The following RYR3 variants were observed in gnomAD, a reference collection of about 807,000 sequenced individuals.
RYR3 encodes the protein ryanodine receptor 3.
A neutral mutation model predicts 584.3 loss-of-function variants in RYR3; 207 were observed. The ratio of observed to expected loss-of-function variants is 0.35; its 90% CI spans 0.32 to 0.40. RYR3 has a LOEUF of 0.40. Ranked by LOEUF, RYR3 falls within the 10% of genes least tolerant of loss-of-function variation. The pLI, the probability that RYR3 is intolerant of heterozygous loss-of-function variation, is 1.00. For missense variants in RYR3, 5,616 were observed against 6,089.2 expected (o/e 0.92, Z 2.59); for synonymous variants, 2,416 against 2,248.5 (o/e 1.07, Z -2.11).
rs111667432 is a variant in RYR3, at chr15:33,671,062, T to G, written c.5860+506T>G. On this transcript the variant is annotated intron_variant, in intron 38 of 103. Transcript: ENST00000634891. ...TTTGAAAATGTAGCATCCTAGAAAC[T>G]TTGACTTCCTATTTTTCAACAATGC... Among the ~76,000 whole-genome samples the G allele has an allele frequency of 3.3e-3, 509 of 152,256 alleles. 7 individuals are homozygous for G. The highest frequency in any genetic ancestry group is 0.011 in the African/African-American group (463 of 41,536).
intron 16 of RYR3, among the ~76,000 whole-genome samples, chr15:33,592,698 G>A (rs1467106661): frequency 1.3e-5 from 2 of 152,200 alleles, no homozygotes; most frequent in African/African-American, 4.8e-5. Flanking sequence ...GATACCCCCT[G>A]TCAGTCAGAA....
At chr15:33,835,756 T>C (rs1191916327) in intron 87 of RYR3, among the ~76,000 whole-genome samples, 3 of 152,216 alleles carry the variant, frequency 2.0e-5, no homozygotes, top group African/African-American at 7.2e-5. Context: ...ACCTTTCATT[T>C]TTCCCCTTTT....
chr15:33,669,419 G>T lies in RYR3; in HGVS notation c.5685G>T (p.Glu1895Asp), dbSNP rs749924697. The change falls in exon 37 of 104, where the codon GAG becomes GAT. Residue 1895 changes from glutamate to aspartate, a missense_variant. Physicochemically the swap from Glu to Asp is conservative, Grantham distance 45 (BLOSUM62 2). Coordinates refer to ENST00000634891, the MANE Select transcript of RYR3 (RefSeq NM_001036.6). ...CCTGCCCAGAGGAGATTCGGGAGGA[G>T]CTGTATGATTTCCATGAGGACCTTC... The part of the protein sequence containing the change: ...NCPCPEEIRE[E>D]LYDFHEDLLL... 32 of 1,614,004 alleles carry T rather than the reference G, an allele frequency of 2.0e-5. No homozygotes were observed. Among genetic ancestry groups the T allele is most frequent in the Non-Finnish European group, 2.7e-5 (32 of 1,179,878 alleles).
chr15:33,565,748 C>A (rs9744361), intron 11 of RYR3, among the ~76,000 whole-genome samples: 32,444 of 152,022 alleles, frequency 0.21, 5,394 homozygotes, highest in African/African-American at 0.47. Context: ...CAGGATCAAA[C>A]TACCTCACTT....
intron 1 of RYR3, among the ~76,000 whole-genome samples, chr15:33,471,849 A>G (rs1016139178): frequency 1.3e-5 from 2 of 152,106 alleles, no homozygotes; most frequent in Admixed American, 1.3e-4. Flanking sequence ...CACAAACAGC[A>G]CATCTCAGTC....
At chr15:33,364,575 T>C (rs974002490) in intron 1 of RYR3, among the ~76,000 whole-genome samples, 2 of 152,168 alleles carry the variant, frequency 1.3e-5, no homozygotes, top group Admixed American at 1.3e-4. Context: ...TATTTGGGCC[T>C]GTAGAGGCAG....
chr15:33,853,716 G>T, intron 96 of RYR3, 34 bp downstream of exon 96: 1 of 1,601,626 alleles, frequency 6.2e-7, no homozygotes, highest in South Asian at 1.1e-5. Flanking sequence ...ATCCAAAGCA[G>T]CTAAAATAGA....
At chr15:33,406,328 C>G (rs1422779948) in intron 1 of RYR3, among the ~76,000 whole-genome samples, 4 of 152,194 alleles carry the variant, frequency 2.6e-5, no homozygotes, top group African/African-American at 9.7e-5. Context: ...GGCTAGCTCC[C>G]TTGGACCAAA....
Position 33,669,390 on chromosome 15 carries a change from T to C in RYR3, c.5656T>C (p.Cys1886Arg). The part of the protein sequence containing the change: ...MLLNFQLGEN[C>R]PCPEEIREEL... ...GCTTAACTTTCAACTGGGAGAGAAC[T>C]GCCCCTGCCCAGAGGAGATTCGGGA... is the stretch of plus-strand genomic sequence containing the variant. Residue 1886 changes from cysteine to arginine, a missense_variant, in exon 37 of 104, where the codon TGC becomes CGC. By Grantham distance (180) the Cys-to-Arg change is radical. Coordinates refer to ENST00000634891, the MANE Select transcript of RYR3 (RefSeq NM_001036.6). 2 of 1,613,976 alleles carry C rather than the reference T, an allele frequency of 1.2e-6. No individual in the cohort carries two copies. The highest frequency in any genetic ancestry group is 1.7e-6 in the Non-Finnish European group (2 of 1,179,864).
intron 43 of RYR3, among the ~76,000 whole-genome samples, chr15:33,708,420 G>A (rs1013400797): frequency 8.5e-5 from 13 of 152,282 alleles, no homozygotes; most frequent in African/African-American, 3.1e-4. Flanking sequence ...TAAAGGAATC[G>A]ACTGGCTCTT....
intron 1 of RYR3, among the ~76,000 whole-genome samples, chr15:33,360,894 A>G (rs1421817119): frequency 6.6e-6 from 1 of 152,240 alleles, no homozygotes; most frequent in Non-Finnish European, 1.5e-5. Context: ...AGGACAGTAG[A>G]CAGACCTGAG....
chr15:33,782,693 A>T (rs1181124587), intron 65 of RYR3, among the ~76,000 whole-genome samples: 4 of 152,210 alleles, frequency 2.6e-5, no homozygotes, highest in Admixed American at 2.0e-4. Context: ...GTGATTTAGA[A>T]ATACAGTATG....
chr15:33,793,132 T>C (rs2075260216), intron 67 of RYR3, among the ~76,000 whole-genome samples: 1 of 152,166 alleles, frequency 6.6e-6, no homozygotes, highest in Non-Finnish European at 1.5e-5. Context: ...CATTAATAAT[T>C]ACAGGCTTAT....
At chr15:33,317,996 A>G (rs752769304) in intron 1 of RYR3, among the ~76,000 whole-genome samples, 13 of 152,334 alleles carry the variant, frequency 8.5e-5, no homozygotes, top group African/African-American at 2.9e-4. Flanking sequence ...ATTGGATTCA[A>G]TGCCCAAGAA....
chr15:33,798,534 C>T (rs945404833), intron 67 of RYR3, among the ~76,000 whole-genome samples: 1 of 152,220 alleles, frequency 6.6e-6, no homozygotes, highest in South Asian at 2.1e-4. Context: ...CAAAAAGACA[C>T]CTTCAGCTAT....
chr15:33,493,984 G>C (rs184430704), intron 2 of RYR3, among the ~76,000 whole-genome samples: 2 of 152,118 alleles, frequency 1.3e-5, no homozygotes, highest in Non-Finnish European at 2.9e-5. Context: ...GTTCTCACTT[G>C]AGTTACTAAA....
rs912282303 is a variant in RYR3 at position 33,412,506 on chromosome 15, C to T, written c.52-60913C>T. ...GATCACTTTGAAGCCACCCTGGCCA[C>T]GTGCATTGGCAGAAGTCTCCCTGCC... On this transcript the variant is annotated intron_variant, in intron 1 of 103. Transcript: ENST00000634891. The surrounding 1 kb of genome is among the most constrained non-coding windows in gnomAD (Gnocchi z 4.3). Among the ~76,000 whole-genome samples the T allele has an allele frequency of 2.0e-5, 3 of 152,112 alleles. No homozygotes were observed. Among genetic ancestry groups the T allele is most frequent in the African/African-American group, 7.2e-5 (3 of 41,408 alleles).
rs539808774 is a variant in RYR3 at position 33,311,332 on chromosome 15, A to C, written c.51+236A>C. Among the ~76,000 whole-genome samples, 517 of 152,244 alleles carry C rather than the reference A, an allele frequency of 3.4e-3. 5 individuals carry two copies. Among genetic ancestry groups the C allele is most frequent in the African/African-American group, 0.011 (475 of 41,566 alleles). On this transcript the variant is annotated intron_variant, in intron 1 of 103. Coordinates refer to ENST00000634891, the MANE Select transcript of RYR3 (RefSeq NM_001036.6). This position sits in a 1 kb window ranked among gnomAD's most constrained non-coding sequence, Gnocchi z 4.4. ...GTTCCCCTACCGCCACCCCTGCCCC[A>C]GGCCCTCCACCTAGGACCGCTCGCT...
intron 1 of RYR3, among the ~76,000 whole-genome samples, chr15:33,406,080 G>A (rs2042999165): frequency 6.6e-6 from 1 of 152,228 alleles, no homozygotes; most frequent in Non-Finnish European, 1.5e-5. Flanking sequence ...TGGAGATCCA[G>A]TCTGAGTTAC....
Sources: gnomAD v4.1 joint callset for allele counts (sites outside exome capture counted in the v4.1 genomes callset) on GRCh38, gnomAD v4.1.1 for gene constraint, Gnocchi (gnomAD v3.1) non-coding constraint, MANE v1.5 for transcripts, NCBI Gene and HGNC (gene_info 2026-07-23, HGNC 2026-07-21) for gene names.